SLIT2: variants seen among roughly 807,000 people sequenced by gnomAD.
SLIT2 encodes slit guidance ligand 2.
SLIT2 carries 41 observed loss-of-function variants against 185.7 expected under a neutral mutation model. That is an observed-to-expected ratio of 0.22 (90% CI 0.17 to 0.29). SLIT2 has a LOEUF of 0.29. SLIT2 is among the 10% of genes least tolerant of loss of function. The probability of loss-of-function intolerance (pLI) is 1.00; values close to 1 mark genes in which losing one functional copy is unlikely to be tolerated. For synonymous variants in SLIT2, 693 were observed against 680.2 expected (o/e 1.02, Z -0.29); for missense variants, 1,571 against 1,909.0 (o/e 0.82, Z 3.30).
At chr4:20,365,311 G>T (rs1203721072) in intron 4 of SLIT2, among the ~76,000 whole-genome samples, 1 of 152,122 alleles carries the variant, frequency 6.6e-6, no homozygotes, top group Non-Finnish European at 1.5e-5. Context: ...GAGGCGGCCA[G>T]TTCAGAGGTA....
At chr4:20,372,730 A>C (rs1182908894) in intron 4 of SLIT2, among the ~76,000 whole-genome samples, 1 of 152,054 alleles carries the variant, frequency 6.6e-6, no homozygotes, top group African/African-American at 2.4e-5. Context: ...GGAGACTTTT[A>C]AGCCCACTCA....
At chr4:20,407,983 A>G (rs1376079152) in intron 4 of SLIT2, among the ~76,000 whole-genome samples, 1 of 152,200 alleles carries the variant, frequency 6.6e-6, no homozygotes, top group Non-Finnish European at 1.5e-5. Context: ...AGATGCTGTG[A>G]TAGGGGAACC....
intron 32 of SLIT2, among the ~76,000 whole-genome samples, chr4:20,597,745 C>G (rs1728100282): frequency 6.6e-6 from 1 of 152,240 alleles, no homozygotes; most frequent in South Asian, 2.1e-4. Context: ...TTTGCCCCAC[C>G]AAATTGTTAT....
chr4:20,268,650 C>T (rs1644538559), intron 3 of SLIT2, among the ~76,000 whole-genome samples, 160 bp from the exon 4 acceptor site: 1 of 151,850 alleles, frequency 6.6e-6, no homozygotes, highest in Admixed American at 6.6e-5. Flanking sequence ...AGTCATGTAA[C>T]AAAAGGTGTA....
rs1560452529 is a variant in SLIT2, at chr4:20,472,262, A to ATATCTATATC, written c.467+4442_467+4443insCTATATCTAT. The stretch of plus-strand genomic sequence containing the variant: ...TCTATATATCTATATATAGATCTAT[A>ATATCTATATC]TATAGATATATATCTATATATATAG... On this transcript the variant is annotated intron_variant, in intron 5 of 36. Coordinates refer to ENST00000504154, the MANE Select transcript of SLIT2 (RefSeq NM_004787.4). Among the ~76,000 whole-genome samples, 424 of 58,990 alleles carry ATATCTATATC rather than the reference A, an allele frequency of 7.2e-3. 48 individuals are homozygous for ATATCTATATC. Among genetic ancestry groups the ATATCTATATC allele is most frequent in the Non-Finnish European group, 0.01 (361 of 35,760 alleles). The allele number at this position is 58,990 out of a possible 152,430, so 38.7% of individuals were successfully genotyped here. A position where few individuals can be genotyped will look rare whatever the true frequency, so the allele number is the denominator to read the frequency against.
chr4:20,401,281 A>G (rs1726339488), intron 4 of SLIT2, among the ~76,000 whole-genome samples: 1 of 151,882 alleles, frequency 6.6e-6, no homozygotes, highest in Non-Finnish European at 1.5e-5. Flanking sequence ...CTTGGGAAGA[A>G]CTATAATTAA....
At chr4:20,410,022 G>C (rs777936473) in intron 4 of SLIT2, among the ~76,000 whole-genome samples, 3 of 152,020 alleles carry the variant, frequency 2.0e-5, no homozygotes, top group Non-Finnish European at 2.9e-5. Context: ...TAGGTTGTCT[G>C]TTCACTCTGT....
intron 4 of SLIT2, among the ~76,000 whole-genome samples, chr4:20,384,165 A>G (rs920621727): frequency 6.6e-6 from 1 of 152,096 alleles, no homozygotes; most frequent in Non-Finnish European, 1.5e-5. Context: ...TTGCTGTGGT[A>G]AGCAAATGTG....
intron 11 of SLIT2, among the ~76,000 whole-genome samples, chr4:20,518,644 G>A (rs112010189): frequency 0.15 from 12,475 of 82,024 alleles, 1,006 homozygotes; most frequent in East Asian, 0.29. Flanking sequence ...TCGCTCTGTC[G>A]CCCAGGCTGG....
intron 9 of SLIT2, among the ~76,000 whole-genome samples, chr4:20,492,245 G>A (rs977398726): frequency 6.6e-6 from 1 of 152,134 alleles, no homozygotes; most frequent in African/African-American, 2.4e-5. Flanking sequence ...ACCAAGCTGG[G>A]GTTAGTAAAC....
chr4:20,291,566 C>G (rs1480364796), intron 4 of SLIT2, among the ~76,000 whole-genome samples: 1 of 126,778 alleles, frequency 7.9e-6, no homozygotes, highest in East Asian at 2.4e-4. Flanking sequence ...AATGTAGGAA[C>G]AAAAATGTTA....
In SLIT2 at chr4:20,607,337, C is replaced by T. The variant is rs1728868228; in HGVS notation, c.3693-2676C>T. On this transcript the variant is annotated intron_variant, in intron 33 of 36. Transcript: ENST00000504154. Reference sequence around the variant, plus strand: ...GAATTTTCAGAGGTCTTGTCTTAAACATGCTTGAAGTGTAATGATTATCTA... The same window carrying T: ...GAATTTTCAGAGGTCTTGTCTTAAATATGCTTGAAGTGTAATGATTATCTA... Among the ~76,000 whole-genome samples, 3 of 152,178 alleles carry T rather than the reference C, an allele frequency of 2.0e-5. No individual in the cohort carries two copies. The South Asian group carries it at 6.2e-4, about 32-fold the overall frequency.
At position 20,550,909 on chromosome 4, in the gene SLIT2, AGTTT is replaced by A; in HGVS notation, c.2561+12_2561+15del. The A allele has an allele frequency of 6.5e-7, 1 of 1,533,522 alleles. No individual in the cohort carries two copies. The highest frequency in any genetic ancestry group is 1.1e-5 in the South Asian group (1 of 89,052). The allele number at this position is 1,533,522 out of a possible 1,614,324, so 95.0% of individuals were successfully genotyped here. ...TGCATTATCACATCTGTGAGTACCT[AGTTT>A]ATGAATATAGGTTTAGGGTCAAACA... On this transcript the variant is annotated intron_variant, in intron 25 of 36. Transcript: ENST00000504154.
At chr4:20,581,329 T>G (rs1380067772) in intron 29 of SLIT2, among the ~76,000 whole-genome samples, 1 of 152,186 alleles carries the variant, frequency 6.6e-6, no homozygotes, top group Non-Finnish European at 1.5e-5. Context: ...TATTTTAACT[T>G]GATTTCCTCA....
chr4:20,447,294 C>T (rs1200338548), intron 4 of SLIT2, among the ~76,000 whole-genome samples: 3 of 152,170 alleles, frequency 2.0e-5, no homozygotes, highest in Admixed American at 1.3e-4. Flanking sequence ...CCAGGGCAGA[C>T]AGTGAGGAAT....
Position 20,528,279 on chromosome 4 carries a change from T to C in SLIT2, c.1463-670T>C, listed in dbSNP as rs1243183051. 3 of 534,650 alleles carry C rather than the reference T, an allele frequency of 5.6e-6. No individual in the cohort carries two copies. The African/African-American group carries it at 5.8e-5, about 10-fold the overall frequency. The allele number at this position is 534,650 out of a possible 1,614,324, so 33.1% of individuals were successfully genotyped here. A position where few individuals can be genotyped will look rare whatever the true frequency, so the allele number is the denominator to read the frequency against. ...TTTGGCCTAGTGGTTGGTGTAGTGATAATGTAGCGAGATTTTCTGTTGTGC... is the reference window on the plus strand; with the variant it reads ...TTTGGCCTAGTGGTTGGTGTAGTGACAATGTAGCGAGATTTTCTGTTGTGC... On this transcript the variant is annotated intron_variant, in intron 15 of 36. Transcript: ENST00000504154. This position sits in a 1 kb window ranked among gnomAD's most constrained non-coding sequence, Gnocchi z 4.2.
At chr4:20,541,399 G>A in intron 19 of SLIT2, 54 bp from the exon 20 acceptor site, 1 of 1,520,836 alleles carries the variant, frequency 6.6e-7, no homozygotes, top group Non-Finnish European at 9.1e-7. Context: ...GTTTAGAGAA[G>A]GAAGAAGATG....
chr4:20,561,792 C>G (rs554588603), intron 26 of SLIT2, among the ~76,000 whole-genome samples: 4 of 151,472 alleles, frequency 2.6e-5, no homozygotes, highest in Admixed American at 2.6e-4. Flanking sequence ...GTATGCTAAA[C>G]GTACCATTTA....
chr4:20,597,241 T>C (rs1728059008), intron 32 of SLIT2, among the ~76,000 whole-genome samples: 1 of 152,048 alleles, frequency 6.6e-6, no homozygotes, highest in Non-Finnish European at 1.5e-5. Flanking sequence ...AATTTTTTTG[T>C]ATTTTTGATA....
Sources: gnomAD v4.1 joint callset for allele counts (sites outside exome capture counted in the v4.1 genomes callset) on GRCh38, gnomAD v4.1.1 for gene constraint, Gnocchi (gnomAD v3.1) non-coding constraint, MANE v1.5 for transcripts, NCBI Gene and HGNC (gene_info 2026-07-23, HGNC 2026-07-21) for gene names.